The following MAGI1 variants were observed in gnomAD, a reference collection of about 807,000 sequenced individuals.
The protein encoded by MAGI1 is membrane associated guanylate kinase, WW and PDZ domain containing 1, also known as membrane-associated guanylate kinase, WW and PDZ domain-containing protein 1.
A neutral mutation model predicts 139.9 loss-of-function variants in MAGI1; 58 were observed. That is an observed-to-expected ratio of 0.41 (90% CI 0.34 to 0.52). The LOEUF is 0.52. Among genes scored for constraint, MAGI1 ranks in the 20% least tolerant of loss-of-function variants. The probability of loss-of-function intolerance (pLI) is 0.12; values close to 1 mark genes in which losing one functional copy is unlikely to be tolerated. For missense variants in MAGI1, 1,874 were observed against 1,901.6 expected, an observed-to-expected ratio of 0.99 and a Z score of 0.27; for synonymous variants, 812 against 737.9, an observed-to-expected ratio of 1.10 and a Z score of -1.63.
At chr3:65,907,013 T>C (rs1432894920) in intron 1 of MAGI1, among the ~76,000 whole-genome samples, 1 of 151,832 alleles carries the variant, frequency 6.6e-6, no homozygotes, top group African/African-American at 2.4e-5. Context: ...GTCTCTAGCA[T>C]TGATCCACAA....
intron 1 of MAGI1, among the ~76,000 whole-genome samples, chr3:65,967,197 G>T (rs1410278625): frequency 1.3e-5 from 2 of 152,194 alleles, no homozygotes; most frequent in African/African-American, 4.8e-5. Flanking sequence ...AAGGTAGACA[G>T]AGTGATAGAC....
rs1187054477 is a variant in MAGI1 at position 65,357,083 on chromosome 3, C to T, written c.3684G>A (p.Pro1228=). 12 of 1,614,092 alleles carry T rather than the reference C, an allele frequency of 7.4e-6. No homozygotes were observed. The highest frequency in any genetic ancestry group is 3.3e-5 in the Admixed American group (2 of 60,022). The change falls in exon 23 of 23, where the codon CCG becomes CCA. Residue 1228 remains proline, a synonymous_variant. Coordinates refer to ENST00000402939, the MANE Select transcript of MAGI1 (RefSeq NM_001033057.2). ...GGCGGTCGGGCCCGGCCCTCACTTC[C>T]GGAACACCTTGTGGACCGGTGGCGG... The part of the protein sequence containing the change: ...HGPATGPQGV[P]EVRAGPDRRQ...
intron 1 of MAGI1, among the ~76,000 whole-genome samples, chr3:65,743,413 T>G (rs1216196278): frequency 6.6e-6 from 1 of 152,120 alleles, no homozygotes; most frequent in African/African-American, 2.4e-5. Flanking sequence ...TCTGCCAGTA[T>G]TTAAAATATC....
At chr3:65,975,921 T>C (rs1334845137) in intron 1 of MAGI1, among the ~76,000 whole-genome samples, 1 of 152,200 alleles carries the variant, frequency 6.6e-6, no homozygotes, top group East Asian at 1.9e-4. Flanking sequence ...CTTCAAATTA[T>C]ATTTTTGAGC....
intron 2 of MAGI1, among the ~76,000 whole-genome samples, chr3:65,583,814 C>T (rs1258125672): frequency 1.3e-5 from 2 of 152,072 alleles, no homozygotes; most frequent in Non-Finnish European, 2.9e-5. Context: ...AGGTTAGGTG[C>T]TAATTCACCA....
intron 1 of MAGI1, among the ~76,000 whole-genome samples, chr3:65,776,749 C>G (rs2038470781): frequency 6.6e-6 from 1 of 150,920 alleles, no homozygotes. Flanking sequence ...CATGAATCCA[C>G]AGGCCTCCAG....
intron 14 of MAGI1, among the ~76,000 whole-genome samples, chr3:65,383,845 A>C (rs976394990): frequency 2.0e-5 from 3 of 152,234 alleles, no homozygotes; most frequent in African/African-American, 7.2e-5. Context: ...CACAGGACCC[A>C]TCACTGTTTG....
intron 2 of MAGI1, among the ~76,000 whole-genome samples, chr3:65,561,600 AG>A (rs1285708249): frequency 1.3e-5 from 2 of 152,212 alleles, no homozygotes; most frequent in African/African-American, 4.8e-5. Flanking sequence ...GAAAAGACTC[AG>A]AATCTTGAGA....
chr3:65,373,753 G>A (rs907744939), intron 18 of MAGI1, among the ~76,000 whole-genome samples: 13 of 152,162 alleles, frequency 8.5e-5, no homozygotes, highest in African/African-American at 3.1e-4. Context: ...CCAGAGTGGT[G>A]AATTGGTGGA....
In MAGI1 at chr3:65,546,770, G is replaced by A. The variant is rs569435072; in HGVS notation, c.431-53139C>T. Among the ~76,000 whole-genome samples, 3 of 151,974 alleles carry A rather than the reference G, an allele frequency of 2.0e-5. No individual in the cohort carries two copies. The East Asian group carries it at 5.8e-4, about 29-fold the overall frequency. On this transcript the variant is annotated intron_variant, in intron 2 of 22. Coordinates refer to ENST00000402939, the MANE Select transcript of MAGI1 (RefSeq NM_001033057.2). ...AGGTGTGGTGTTAATTCTCCCAGCT[G>A]GTTTTCAGACAGCTTTAAAATTAAC...
chr3:65,620,092 G>T lies in MAGI1; in HGVS notation c.430+1880C>A, dbSNP rs1260488239. 1.2e-5 allele frequency: 7 copies of T among 566,094 alleles called. No individual in the cohort carries two copies. The East Asian group carries it at 1.0e-3, about 83-fold the overall frequency. The allele number at this position is 566,094 out of a possible 1,614,324, so 35.1% of individuals were successfully genotyped here. On this transcript the variant is annotated intron_variant, in intron 2 of 22. Coordinates refer to ENST00000402939, the MANE Select transcript of MAGI1 (RefSeq NM_001033057.2). ...ATCAGTGGAAAAAATAAATGGGAGAGCATGCCAAAATGTAACCATGGTAAC... is the reference window on the plus strand; with the variant it reads ...ATCAGTGGAAAAAATAAATGGGAGATCATGCCAAAATGTAACCATGGTAAC...
chr3:65,701,947 G>A (rs1429235960), intron 1 of MAGI1, among the ~76,000 whole-genome samples: 3 of 152,080 alleles, frequency 2.0e-5, no homozygotes, highest in African/African-American at 7.2e-5. Flanking sequence ...CAAATTATAT[G>A]CAAATCCCAC....
At chr3:65,870,153 G>C (rs2059889051) in intron 1 of MAGI1, among the ~76,000 whole-genome samples, 1 of 152,072 alleles carries the variant, frequency 6.6e-6, no homozygotes, top group South Asian at 2.1e-4. Flanking sequence ...GTTGACAAAT[G>C]TGCGTAATGA....
rs529614587 is a variant in MAGI1 at position 65,629,731 on chromosome 3, C to T, written c.314-7643G>A. The stretch of plus-strand genomic sequence containing the variant: ...ATCTGAAAAGGATGTTTGCTACTTG[C>T]TTTTTCTAATATATTTTTCTATATT... On this transcript the variant is annotated intron_variant, in intron 1 of 22. Coordinates refer to ENST00000402939, the MANE Select transcript of MAGI1 (RefSeq NM_001033057.2). Among the ~76,000 whole-genome samples the T allele has an allele frequency of 7.6e-4, 115 of 152,214 alleles. 2 individuals carry two copies. In the South Asian group the frequency reaches 0.023, roughly 30 times the overall value.
At chr3:65,388,929 G>A (rs1041155089) in intron 14 of MAGI1, among the ~76,000 whole-genome samples, 2 of 127,084 alleles carry the variant, frequency 1.6e-5, no homozygotes, top group Non-Finnish European at 3.1e-5. Flanking sequence ...TGCAAGCTCC[G>A]CCTCCCAGGT....
At chr3:65,959,122 C>G (rs2064282602) in intron 1 of MAGI1, among the ~76,000 whole-genome samples, 1 of 152,222 alleles carries the variant, frequency 6.6e-6, no homozygotes, top group Non-Finnish European at 1.5e-5. Context: ...AGGGCACAGT[C>G]ACTCCAAAAG....
chr3:65,412,225 G>A (rs1187701382), intron 12 of MAGI1, among the ~76,000 whole-genome samples: 2 of 152,080 alleles, frequency 1.3e-5, no homozygotes, highest in South Asian at 2.1e-4. Flanking sequence ...AATTCTCTGG[G>A]CATTTTCTCT....
intron 2 of MAGI1, among the ~76,000 whole-genome samples, chr3:65,558,088 C>A (rs2080171557): frequency 6.6e-6 from 1 of 152,142 alleles, no homozygotes; most frequent in Non-Finnish European, 1.5e-5. Flanking sequence ...ATCTATGAGT[C>A]CAGGGCACCA....
intron 2 of MAGI1, among the ~76,000 whole-genome samples, chr3:65,585,124 A>G (rs2081613745): frequency 6.6e-6 from 1 of 152,264 alleles, no homozygotes; most frequent in Admixed American, 6.5e-5. Context: ...GAGGTAACTG[A>G]GCCTTACAGA....
Sources: allele counts gnomAD v4.1 joint callset (sites outside exome capture counted in the v4.1 genomes callset), GRCh38; gene constraint gnomAD v4.1.1; transcripts MANE v1.5; gene names NCBI Gene and HGNC (gene_info 2026-07-23, HGNC 2026-07-21).